SLC4A4: variants seen among roughly 807,000 people sequenced by gnomAD.
SLC4A4 encodes electrogenic sodium bicarbonate cotransporter 1.
A neutral mutation model predicts 111.5 loss-of-function variants in SLC4A4; 27 were observed. The ratio of observed to expected loss-of-function variants is 0.24; its 90% CI spans 0.18 to 0.33. The LOEUF is 0.33. SLC4A4 is among the 10% of genes least tolerant of loss of function. SLC4A4 has a pLI of 1.00. For missense variants in SLC4A4, 909 were observed against 1,315.5 expected, an observed-to-expected ratio of 0.69 and a Z score of 4.78; for synonymous variants, 443 against 463.4, an observed-to-expected ratio of 0.96 and a Z score of 0.57.
chr4:71,335,482 A>G (rs1465659304), intron 3 of SLC4A4, among the ~76,000 whole-genome samples: 4 of 152,154 alleles, frequency 2.6e-5, no homozygotes, highest in Non-Finnish European at 4.4e-5. Context: ...CATTGCAAAT[A>G]TTTTTACATT....
chr4:71,158,868 T>A (rs1744545807), intron 2 of SLC4A4, among the ~76,000 whole-genome samples: 1 of 152,130 alleles, frequency 6.6e-6, no homozygotes. Context: ...TCACGGAGAA[T>A]GGGATGTGAT....
intron 3 of SLC4A4, among the ~76,000 whole-genome samples, chr4:71,293,283 G>C (rs1724522190): frequency 6.6e-6 from 1 of 151,566 alleles, no homozygotes; most frequent in Admixed American, 6.6e-5. Context: ...CCAGAAGGAG[G>C]CTGGGTGCGG....
In SLC4A4 at chr4:71,472,702, C is replaced by T; in HGVS notation, c.1635C>T (p.Asp545=). 6.2e-7 allele frequency: 1 copy of T among 1,612,370 alleles called. No individual in the cohort carries two copies. The highest frequency in any genetic ancestry group is 8.5e-7 in the Non-Finnish European group (1 of 1,178,996). Residue 545 remains aspartate (D), a synonymous_variant, in exon 14 of 26, where the codon GAC becomes GAT. Coordinates refer to ENST00000264485, the MANE Select transcript of SLC4A4 (RefSeq NM_001098484.3). ...CATTTTTCTTTCTTTTTTCCAGGGA[C>T]AATAATTTTGACTATTTGGAGTTTC... ...FERLLFNFSK[D]NNFDYLEFRL...
chr4:71,193,521 T>C (rs1293038842), intron 1 of SLC4A4, among the ~76,000 whole-genome samples: 1 of 152,212 alleles, frequency 6.6e-6, no homozygotes, highest in Non-Finnish European at 1.5e-5. Context: ...TAGTAGATAG[T>C]GCCTTCCTTC....
At chr4:71,139,774 T>C (rs1487738166) in intron 2 of SLC4A4, among the ~76,000 whole-genome samples, 5 of 151,890 alleles carry the variant, frequency 3.3e-5, no homozygotes, top group African/African-American at 1.2e-4. Flanking sequence ...GTTTCATGCA[T>C]AGAATGTGTA....
chr4:71,277,738 G>A (rs1212578899), intron 3 of SLC4A4, among the ~76,000 whole-genome samples: 1 of 151,178 alleles, frequency 6.6e-6, no homozygotes, highest in Non-Finnish European at 1.5e-5. Context: ...TTGTAAATAT[G>A]AATTCTTTGT....
At chr4:71,140,413 C>CTCAACAAAAAAAATTG (rs1332925342) in intron 2 of SLC4A4, among the ~76,000 whole-genome samples, 1 of 151,936 alleles carries the variant, frequency 6.6e-6, no homozygotes, top group Non-Finnish European at 1.5e-5. Context: ...AAAATGAGAC[C>CTCAACAAAAAAAATTG]CTGTTGCAAA....
chr4:71,134,340 G>A (rs893419010), intron 2 of SLC4A4, among the ~76,000 whole-genome samples: 1 of 152,128 alleles, frequency 6.6e-6, no homozygotes, highest in African/African-American at 2.4e-5. Context: ...CTCTCCTACT[G>A]GTCTTGCTTA....
At position 71,447,695 on chromosome 4, in the gene SLC4A4, G is replaced by A; in HGVS notation, c.1015G>A (p.Glu339Lys). Residue 339 changes from glutamate (E) to lysine (K), a missense_variant, in exon 9 of 26, where the codon GAG (glutamate) becomes AAG (lysine). Glu to Lys is a moderately conservative substitution (Grantham distance 56, BLOSUM62 1). Coordinates refer to ENST00000264485, the MANE Select transcript of SLC4A4 (RefSeq NM_001098484.3). Reference sequence around the variant, plus strand: ...TAAGGGGAAAGCCAAGTCCTACCACGAGATTGGCAGAGCCATTGCCACCCT... The same window carrying A: ...TAAGGGGAAAGCCAAGTCCTACCACAAGATTGGCAGAGCCATTGCCACCCT... Reference protein sequence around the residue: ...GPKGKAKSYHEIGRAIATLMS... With the variant: ...GPKGKAKSYHKIGRAIATLMS... The A allele has an allele frequency of 3.1e-6, 5 of 1,612,930 alleles. No homozygotes were observed. The highest frequency in any genetic ancestry group is 2.7e-5 in the African/African-American group (2 of 74,994).
chr4:71,542,102 C>T (rs1193895540), intron 18 of SLC4A4, among the ~76,000 whole-genome samples: 1 of 152,052 alleles, frequency 6.6e-6, no homozygotes, highest in Non-Finnish European at 1.5e-5. Context: ...TTTGGGGCAA[C>T]ATGAATTTGA....
Position 71,313,241 on chromosome 4 carries a change from G to A in SLC4A4, c.254-26129G>A, listed in dbSNP as rs141628171. The stretch of plus-strand genomic sequence containing the variant: ...TACAAGGGACATGAAGGACCTCTTC[G>A]AGGAGAACTACAAACCACTGCTCAA... On this transcript the variant is annotated intron_variant, in intron 3 of 25. Transcript: ENST00000264485. Among the ~76,000 whole-genome samples the A allele has an allele frequency of 3.1e-4, 47 of 152,098 alleles. 1 individual carries two copies. The East Asian group carries it at 7.4e-3, about 24-fold the overall frequency.
intron 20 of SLC4A4, among the ~76,000 whole-genome samples, chr4:71,550,994 T>C (rs1735941205): frequency 1.3e-5 from 2 of 151,872 alleles, no homozygotes; most frequent in African/African-American, 2.4e-5. Flanking sequence ...GGTACTGAAC[T>C]GTTGGGAAGC....
intron 13 of SLC4A4, among the ~76,000 whole-genome samples, chr4:71,470,685 A>G (rs1036770474): frequency 1.3e-5 from 2 of 152,042 alleles, no homozygotes; most frequent in African/African-American, 4.8e-5. Flanking sequence ...GTGCAGATTT[A>G]TTATAAAGAG....
chr4:71,309,734 G>A (rs141630872), intron 3 of SLC4A4, among the ~76,000 whole-genome samples: 1,733 of 152,168 alleles, frequency 0.011, 33 homozygotes, highest in African/African-American at 0.04. Context: ...AAAAACCAGC[G>A]CAAAAATGCT....
intron 2 of SLC4A4, among the ~76,000 whole-genome samples, chr4:71,144,627 C>T (rs1324068581): frequency 4.6e-5 from 7 of 151,170 alleles, no homozygotes; most frequent in Admixed American, 4.6e-4. Context: ...TTTCATTGAG[C>T]AGGGGTTTGT....
At chr4:71,161,931 C>G (rs1224704786) in intron 2 of SLC4A4, among the ~76,000 whole-genome samples, 1 of 152,146 alleles carries the variant, frequency 6.6e-6, no homozygotes, top group Non-Finnish European at 1.5e-5. Flanking sequence ...CTCTCTAATT[C>G]TGACCATACT....
At chr4:71,350,618 T>C (rs1729742060) in intron 5 of SLC4A4, among the ~76,000 whole-genome samples, 1 of 152,172 alleles carries the variant, frequency 6.6e-6, no homozygotes, top group Non-Finnish European at 1.5e-5. Context: ...GAACCAAGTA[T>C]ATGTACATCA....
chr4:71,271,810 A>G (rs1456915408), intron 3 of SLC4A4, among the ~76,000 whole-genome samples: 1 of 152,336 alleles, frequency 6.6e-6, no homozygotes, highest in East Asian at 1.9e-4. Flanking sequence ...GGTGCCTATT[A>G]TGTGTCTGGC....
intron 1 of SLC4A4, among the ~76,000 whole-genome samples, chr4:71,076,985 C>G (rs1171019988): frequency 1.3e-5 from 2 of 149,110 alleles, no homozygotes; most frequent in African/African-American, 4.9e-5. Context: ...GAGACCCTGT[C>G]TCAAAAAAAA....
Sources: gnomAD v4.1 joint callset for allele counts (sites outside exome capture counted in the v4.1 genomes callset) on GRCh38, gnomAD v4.1.1 for gene constraint, MANE v1.5 for transcripts, NCBI Gene and HGNC (gene_info 2026-07-23, HGNC 2026-07-21) for gene names.